CEPT1: variants seen among roughly 807,000 people sequenced by gnomAD.
CEPT1 encodes choline/ethanolaminephosphotransferase 1.
A neutral mutation model predicts 42.6 loss-of-function variants in CEPT1; 7 were observed. The ratio of observed to expected loss-of-function variants is 0.16; its 90% CI spans 0.09 to 0.31. The LOEUF (loss-of-function observed/expected upper bound fraction) is 0.31, where lower values mean the gene tolerates loss of function less well. Ranked by LOEUF, CEPT1 falls within the 10% of genes least tolerant of loss-of-function variation. The pLI is 1.00. For synonymous variants in CEPT1, 171 were observed against 171.9 expected, an observed-to-expected ratio of 0.99 and a Z score of 0.04; for missense variants, 306 against 502.1, an observed-to-expected ratio of 0.61 and a Z score of 3.73.
chr1:111,147,910 C>T lies in CEPT1; in HGVS notation c.196C>T (p.Pro66Ser). ...AAGTGCTGGACGGTCCCTGCTTGAG[C>T]CCTTAATGCAAGGGTATTGGGAATG... Reference protein sequence around the residue: ...YQSAGRSLLEPLMQGYWEWLV... With the variant: ...YQSAGRSLLESLMQGYWEWLV... The change falls in exon 2 of 9, where the codon CCC (proline) becomes TCC (serine). Residue 66 changes from proline to serine, a missense_variant. Transcript: ENST00000357172. 6.2e-7 allele frequency: 1 copy of T among 1,614,156 alleles called. No homozygotes were observed. The highest frequency in any genetic ancestry group is 8.5e-7 in the Non-Finnish European group (1 of 1,180,018).
intron 2 of CEPT1, among the ~76,000 whole-genome samples, chr1:111,154,323 C>A (rs574752639): frequency 3.7e-4 from 56 of 151,536 alleles, no homozygotes; most frequent in African/African-American, 1.3e-3. Flanking sequence ...GGAAATGCTA[C>A]TGATTTTTGT....
chr1:111,152,657 CT>C (rs1452222536), intron 2 of CEPT1, among the ~76,000 whole-genome samples: 1 of 152,148 alleles, frequency 6.6e-6, no homozygotes. Flanking sequence ...TTAGTGGGTA[CT>C]TTTGGGGGAG....
rs143151065 is a variant in CEPT1, at chr1:111,151,281, A to G, written c.339+3228A>G. 2.1e-3 allele frequency among the ~76,000 whole-genome samples: 315 copies of G among 151,970 alleles called. 1 individual carries two copies. Among genetic ancestry groups the G allele is most frequent in the African/African-American group, 7.2e-3 (297 of 41,464 alleles). ...CAGGACTACAGGCGCACGCCGCCAC[A>G]CCCAGCTAATATTTGTATTTTTAGC... On this transcript the variant is annotated intron_variant, in intron 2 of 8. Coordinates refer to ENST00000357172, the MANE Select transcript of CEPT1 (RefSeq NM_006090.5).
At chr1:111,160,944 GT>G (rs1302182571) in intron 3 of CEPT1, 1 of 559,410 alleles carries the variant, frequency 1.8e-6, no homozygotes, top group Non-Finnish European at 3.1e-6. Flanking sequence ...CTTCCACTAA[GT>G]GATTTGGTAA....
intron 1 of CEPT1, among the ~76,000 whole-genome samples, chr1:111,142,436 GA>G: frequency 6.6e-6 from 1 of 152,236 alleles, no homozygotes; most frequent in East Asian, 1.9e-4. Flanking sequence ...TCAGAGTCTG[GA>G]ACCACTAAGT....
chr1:111,161,453 C>T (rs1655869404), intron 4 of CEPT1, among the ~76,000 whole-genome samples, 157 bp downstream of exon 4: 1 of 152,000 alleles, frequency 6.6e-6, no homozygotes, highest in Non-Finnish European at 1.5e-5. Context: ...CTAATAGTCT[C>T]TGCATATGTC....
At chr1:111,142,030 T>G (rs141762502) in intron 1 of CEPT1, among the ~76,000 whole-genome samples, 1,932 of 152,200 alleles carry the variant, frequency 0.013, 37 homozygotes, top group Admixed American at 0.055. Flanking sequence ...TAAGCTTACC[T>G]TATGCACTGC....
At chr1:111,146,168 T>C (rs1654952501) in intron 1 of CEPT1, among the ~76,000 whole-genome samples, 1 of 152,072 alleles carries the variant, frequency 6.6e-6, no homozygotes, top group Non-Finnish European at 1.5e-5. Context: ...TTTTTTTCTT[T>C]CAATGCTTAA....
intron 4 of CEPT1, among the ~76,000 whole-genome samples, chr1:111,165,203 C>T (rs1229331168): frequency 6.6e-6 from 1 of 151,612 alleles, no homozygotes; most frequent in Admixed American, 6.6e-5. Context: ...CACCCGCCAC[C>T]ATGCCCGGCT....
chr1:111,158,874 AAG>A (rs1655714166), intron 2 of CEPT1, among the ~76,000 whole-genome samples: 1 of 150,582 alleles, frequency 6.6e-6, no homozygotes, highest in South Asian at 2.1e-4. Context: ...ACACCTCTAA[AAG>A]CAGGAAATTT....
chr1:111,159,395 T>C lies in CEPT1; in HGVS notation c.355T>C (p.Tyr119His), dbSNP rs376975023. Residue 119 changes from tyrosine (Y) to histidine (H), a missense_variant, in exon 3 of 9, where the codon TAT (tyrosine) becomes CAT (histidine). By Grantham distance (83) the Tyr-to-His change is moderately conservative. This residue lies in a region of CEPT1 where 253 missense variants were observed against 447.3 expected (regional missense o/e 0.57). Transcript: ENST00000357172. ...TATEQAPLWAYIACACGLFIY... is the reference protein window; with the variant it reads ...TATEQAPLWAHIACACGLFIY... ...TATTTCACAGGCACCTCTGTGGGCA[T>C]ATATTGCTTGTGCCTGTGGCCTTTT... 8 of 1,612,266 alleles carry C rather than the reference T, an allele frequency of 5.0e-6. No homozygotes were observed. Among genetic ancestry groups the C allele is most frequent in the Non-Finnish European group, 6.8e-6 (8 of 1,179,544 alleles).
At chr1:111,145,097 C>T (rs1654882023) in intron 1 of CEPT1, among the ~76,000 whole-genome samples, 2 of 152,072 alleles carry the variant, frequency 1.3e-5, no homozygotes, top group South Asian at 2.1e-4. Flanking sequence ...CTCACTGCAA[C>T]CTTCGCCTCC....
chr1:111,183,101 C>T (rs894588389), intron 7 of CEPT1, 144 bp downstream of exon 7: 18 of 808,140 alleles, frequency 2.2e-5, no homozygotes, highest in Non-Finnish European at 1.9e-5. Context: ...AACATGGGAA[C>T]TATTTTTACT....
chr1:111,160,610 G>C (rs1179105562), intron 3 of CEPT1: 1 of 152,574 alleles, frequency 6.6e-6, no homozygotes, highest in Non-Finnish European at 1.5e-5. Flanking sequence ...GCAACAACCA[G>C]CTGACTGCAG....
At chr1:111,165,614 A>G (rs1656109901) in intron 4 of CEPT1, among the ~76,000 whole-genome samples, 1 of 152,184 alleles carries the variant, frequency 6.6e-6, no homozygotes, top group Non-Finnish European at 1.5e-5. Flanking sequence ...TTCTGTTTAT[A>G]AAGTCTGTGA....
chr1:111,155,893 G>GTA lies in CEPT1; in HGVS notation c.340-3477_340-3476dup, dbSNP rs541155037. Among the ~76,000 whole-genome samples the GTA allele has an allele frequency of 9.4e-4, 143 of 152,010 alleles. No homozygotes were observed. The East Asian group carries it at 0.022, about 23-fold the overall frequency. ...TATGTGTATATGTGTGTGTGTATAT[G>GTA]TATATATATATTCTATTTCATTTAG... On this transcript the variant is annotated intron_variant, in intron 2 of 8. Transcript: ENST00000357172.
intron 5 of CEPT1, chr1:111,178,618 TCTTTAAA>T (rs1656817788): frequency 6.6e-6 from 1 of 152,052 alleles, no homozygotes; most frequent in Non-Finnish European, 1.5e-5. Flanking sequence ...ATCATATCAC[TCTTTAAA>T]AAAAACAAAG....
intron 3 of CEPT1, 141 bp downstream of exon 3, chr1:111,159,668 GT>G (rs1487853072): frequency 1.8e-6 from 1 of 570,508 alleles, no homozygotes; most frequent in African/African-American, 2.0e-5. Flanking sequence ...TATGAACCTA[GT>G]TAATATTTGT....
chr1:111,153,899 C>CTT (rs1316304148), intron 2 of CEPT1, among the ~76,000 whole-genome samples: 13 of 152,084 alleles, frequency 8.5e-5, no homozygotes, highest in Non-Finnish European at 1.6e-4. Flanking sequence ...ATGCCTCCAG[C>CTT]TTTGTTCTTT....
Sources: allele counts gnomAD v4.1 joint callset (sites outside exome capture counted in the v4.1 genomes callset), GRCh38; gene constraint gnomAD v4.1.1; regional missense constraint gnomAD v4.1.1; transcripts MANE v1.5; gene names NCBI Gene and HGNC (gene_info 2026-07-23, HGNC 2026-07-21).